The following SNTG1 variants were observed in gnomAD, a reference collection of about 807,000 sequenced individuals.
SNTG1 encodes the protein gamma-1-syntrophin.
In SNTG1, 39 loss-of-function variants were observed where a neutral mutation model predicts 74.7. The observed-to-expected ratio is 0.52, with a 90% CI of 0.40 to 0.68. SNTG1 has a LOEUF of 0.68. SNTG1 is among the 30% of genes least tolerant of loss of function. SNTG1 has a pLI of 0.00. For missense variants in SNTG1, 685 were observed against 609.5 expected (o/e 1.12, Z -1.30); for synonymous variants, 254 against 217.1 (o/e 1.17, Z -1.49).
At chr8:50,056,660 C>T (rs192895072) in intron 1 of SNTG1, among the ~76,000 whole-genome samples, 13 of 152,310 alleles carry the variant, frequency 8.5e-5, no homozygotes, top group Admixed American at 8.5e-4. Context: ...GACGACATTT[C>T]CTTCCTGTGG....
intron 4 of SNTG1, among the ~76,000 whole-genome samples, chr8:50,426,374 A>T (rs2093163454): frequency 1.3e-5 from 2 of 152,134 alleles, no homozygotes; most frequent in South Asian, 4.1e-4. Context: ...TTCTAGTTAC[A>T]TCTTAATGAT....
chr8:50,165,561 T>C (rs1428215673), intron 1 of SNTG1, among the ~76,000 whole-genome samples: 2 of 152,178 alleles, frequency 1.3e-5, no homozygotes, highest in African/African-American at 4.8e-5. Flanking sequence ...GTGAAGCAAT[T>C]AAATTTACGT....
intron 2 of SNTG1, among the ~76,000 whole-genome samples, chr8:50,188,104 G>A (rs770094063): frequency 4.6e-5 from 7 of 151,960 alleles, no homozygotes; most frequent in Non-Finnish European, 7.4e-5. Flanking sequence ...TTAAAATATT[G>A]GTCTACTGAA....
chr8:50,111,399 C>T (rs1053591465), intron 1 of SNTG1, among the ~76,000 whole-genome samples: 1 of 145,290 alleles, frequency 6.9e-6, no homozygotes, highest in African/African-American at 2.6e-5. Flanking sequence ...AAAGTATATC[C>T]TCTCTCTGTC....
intron 17 of SNTG1, among the ~76,000 whole-genome samples, chr8:50,734,686 A>G (rs1018839712): frequency 3.4e-5 from 5 of 147,332 alleles, no homozygotes; most frequent in Admixed American, 2.1e-4. Context: ...AGATATGTAT[A>G]TATGGACATA....
chr8:50,026,461 T>C (rs2130719584), intron 1 of SNTG1, among the ~76,000 whole-genome samples: 1 of 152,100 alleles, frequency 6.6e-6, no homozygotes, highest in East Asian at 1.9e-4. Context: ...GAGATAAGGG[T>C]TGAAGGTTCA....
At chr8:50,533,188 G>T (rs2094282827) in intron 10 of SNTG1, among the ~76,000 whole-genome samples, 1 of 152,192 alleles carries the variant, frequency 6.6e-6, no homozygotes, top group African/African-American at 2.4e-5. Flanking sequence ...TGGAGTAGAA[G>T]AATTTGTTCT....
In SNTG1 at chr8:50,028,823, A is replaced by T. The variant is rs1487214504; in HGVS notation, c.-103+116592A>T. On this transcript the variant is annotated intron_variant, in intron 1 of 18. Coordinates refer to ENST00000642720, the MANE Select transcript of SNTG1 (RefSeq NM_018967.5). The stretch of plus-strand genomic sequence containing the variant: ...TTTAATTGTTTAGCTCTTCCAATAC[A>T]TTGCGTCATAAGATTCCATTATTGT... Among the ~76,000 whole-genome samples, 6 of 152,318 alleles carry T rather than the reference A, an allele frequency of 3.9e-5. No individual in the cohort carries two copies. In the South Asian group the frequency reaches 8.3e-4, roughly 21 times the overall value.
chr8:50,636,557 A>G (rs886959915), intron 13 of SNTG1, among the ~76,000 whole-genome samples: 20 of 152,100 alleles, frequency 1.3e-4, no homozygotes, highest in African/African-American at 3.1e-4. Flanking sequence ...CTGACTTCCA[A>G]TGAAAATTCC....
chr8:50,182,050 T>G (rs1195613429), intron 2 of SNTG1, among the ~76,000 whole-genome samples: 1 of 152,192 alleles, frequency 6.6e-6, no homozygotes, highest in East Asian at 1.9e-4. Flanking sequence ...ATATAATGTA[T>G]GAACTCAATG....
intron 1 of SNTG1, among the ~76,000 whole-genome samples, chr8:49,935,079 A>C (rs1275406885): frequency 6.6e-6 from 1 of 151,992 alleles, no homozygotes; most frequent in African/African-American, 2.4e-5. Flanking sequence ...TGTTGTCTAG[A>C]TCATTGGTTA....
At chr8:50,013,086 A>C (rs983647019) in intron 1 of SNTG1, among the ~76,000 whole-genome samples, 1 of 152,136 alleles carries the variant, frequency 6.6e-6, no homozygotes, top group Non-Finnish European at 1.5e-5. Context: ...ATTAGAATAA[A>C]AGGACACATT....
At chr8:50,110,602 G>A (rs2080545374) in intron 1 of SNTG1, among the ~76,000 whole-genome samples, 1 of 152,140 alleles carries the variant, frequency 6.6e-6, no homozygotes, top group South Asian at 2.1e-4. Context: ...TAAAGCTTTA[G>A]GAACCAACAC....
At chr8:50,671,095 A>C (rs963184570) in intron 15 of SNTG1, among the ~76,000 whole-genome samples, 33 of 151,966 alleles carry the variant, frequency 2.2e-4, no homozygotes, top group Admixed American at 4.6e-4. Flanking sequence ...AAACCCTAGA[A>C]GAAAACCTAG....
chr8:50,031,443 C>A (rs1817732670), intron 1 of SNTG1, among the ~76,000 whole-genome samples: 1 of 151,964 alleles, frequency 6.6e-6, no homozygotes, highest in Admixed American at 6.6e-5. Flanking sequence ...AACATTTAGT[C>A]TTTTACCATA....
At chr8:50,225,697 A>G (rs1412373053) in intron 2 of SNTG1, among the ~76,000 whole-genome samples, 1 of 152,230 alleles carries the variant, frequency 6.6e-6, no homozygotes, top group Non-Finnish European at 1.5e-5. Context: ...TTTTAACTAT[A>G]TTAAAAATAG....
chr8:50,180,271 G>C (rs900364096), intron 2 of SNTG1, among the ~76,000 whole-genome samples: 3 of 152,116 alleles, frequency 2.0e-5, no homozygotes, highest in African/African-American at 7.2e-5. Context: ...CTTGGGAGGA[G>C]AGGGTGTGGA....
chr8:50,646,699 A>G (rs527360672), intron 13 of SNTG1, among the ~76,000 whole-genome samples: 2 of 152,260 alleles, frequency 1.3e-5, no homozygotes, highest in South Asian at 4.1e-4. Context: ...TATGATGTAG[A>G]TATATATTAA....
intron 13 of SNTG1, among the ~76,000 whole-genome samples, chr8:50,640,005 GA>G (rs2095062468): frequency 6.6e-6 from 1 of 151,998 alleles, no homozygotes; most frequent in Admixed American, 6.6e-5. Context: ...TATCATTGTG[GA>G]TTTAAACACA....
Sources: gnomAD v4.1 joint callset for allele counts (sites outside exome capture counted in the v4.1 genomes callset) on GRCh38, gnomAD v4.1.1 for gene constraint, MANE v1.5 for transcripts, NCBI Gene and HGNC (gene_info 2026-07-23, HGNC 2026-07-21) for gene names.